The following THAP3 variants were observed in gnomAD, a reference collection of about 807,000 sequenced individuals.
The protein encoded by THAP3 is THAP domain containing 3, also known as THAP domain-containing protein 3.
In THAP3, 12 loss-of-function variants were observed where a neutral mutation model predicts 17.7. That is an observed-to-expected ratio of 0.68 (90% CI 0.43 to 1.10). The LOEUF is 1.10. Among genes scored for constraint, THAP3 ranks in the 50% least tolerant of loss-of-function variants. The pLI, the probability that THAP3 is intolerant of heterozygous loss-of-function variation, is 0.00. For missense variants in THAP3, 289 were observed against 318.0 expected, an observed-to-expected ratio of 0.91 and a Z score of 0.69; for synonymous variants, 133 against 126.9, an observed-to-expected ratio of 1.05 and a Z score of -0.32.
chr1:6,628,902 A>T (rs947711458), intron 3 of THAP3, among the ~76,000 whole-genome samples: 1 of 152,222 alleles, frequency 6.6e-6, no homozygotes, highest in Non-Finnish European at 1.5e-5. Context: ...AAGGCATTTT[A>T]AAAATGAATT....
chr1:6,630,451 CGCCTTTCCTCATAT>C, intron 4 of THAP3, 98 bp downstream of exon 4: 2 of 1,218,092 alleles, frequency 1.6e-6, no homozygotes. Flanking sequence ...GCAGGGCTGT[CGCCTTTCCTCATAT>C]GCCAGTTTGG....
chr1:6,634,716 T>TCC (rs1456914700), downstream of THAP3: 2 of 1,363,280 alleles, frequency 1.5e-6, no homozygotes, highest in East Asian at 9.1e-5. Flanking sequence ...GAAGGAAGGC[T>TCC]CCGGAGCACA....
chr1:6,634,160 C>G (rs79312390), downstream of THAP3: 4 of 1,372,736 alleles, frequency 2.9e-6, no homozygotes, highest in East Asian at 9.2e-5. Flanking sequence ...CACGGAAGAG[C>G]GCCAGCCTCT....
chr1:6,632,898 G>A lies in THAP3; in HGVS notation c.541G>A (p.Ala181Thr), dbSNP rs1275576197. The change falls in exon 6 of 6, where the codon GCC becomes ACC. Residue 181 changes from alanine (A) to threonine (T), a missense_variant. Physicochemically the swap from Ala to Thr is moderately conservative, Grantham distance 58. Transcript: ENST00000054650. ...PNKQPSDHSY[A>T]LLDLDSLKKK... ...CAAGCAGCCATCTGATCACAGCTAT[G>A]CCCTTTTGGACTTAGATTCCCTGAA... The A allele has an allele frequency of 2.5e-6, 4 of 1,612,848 alleles. No homozygotes were observed. The highest frequency in any genetic ancestry group is 3.3e-5 in the Admixed American group (2 of 60,010).
chr1:6,631,137 T>C (rs1299710446), intron 4 of THAP3, among the ~76,000 whole-genome samples: 1 of 151,926 alleles, frequency 6.6e-6, no homozygotes, highest in African/African-American at 2.4e-5. Context: ...CCCAAGTGGC[T>C]GGGACCACAA....
Position 6,632,378 on chromosome 1 carries a change from C to T in THAP3, c.334-13C>T, listed in dbSNP as rs777839020. ...GCAGGGCTGTAGTGCAGACTTCACC[C>T]TGCCGTTCCCAGGTCCTCCCTGAGG... On this transcript the variant is annotated splice_polypyrimidine_tract_variant and intron_variant, in intron 4 of 5. Coordinates refer to ENST00000054650, the MANE Select transcript of THAP3 (RefSeq NM_001195753.2). The T allele has an allele frequency of 2.5e-5, 41 of 1,613,082 alleles. No individual in the cohort carries two copies. Among genetic ancestry groups the T allele is most frequent in the Middle Eastern group, 1.8e-4 (1 of 5,704 alleles).
intron 5 of THAP3, 96 bp from the exon 6 acceptor site, chr1:6,632,700 C>A: frequency 6.6e-7 from 1 of 1,515,074 alleles, no homozygotes; most frequent in Admixed American, 1.8e-5. Flanking sequence ...TCTAGCTGCC[C>A]TGGGGTTGTG....
At chr1:6,627,035 G>T (rs1641486138) in intron 2 of THAP3, among the ~76,000 whole-genome samples, 1 of 152,190 alleles carries the variant, frequency 6.6e-6, no homozygotes, top group South Asian at 2.1e-4. Context: ...GACACTGATC[G>T]ATTGCATAGC....
intron 3 of THAP3, among the ~76,000 whole-genome samples, chr1:6,629,924 A>T (rs912995508): frequency 6.6e-5 from 10 of 152,172 alleles, no homozygotes; most frequent in Non-Finnish European, 1.3e-4. Flanking sequence ...AGTGTGGCCC[A>T]GGGGCTGCAG....
At chr1:6,634,567 A>G (rs760352886), downstream of THAP3, 2 of 1,365,772 alleles carry the variant, frequency 1.5e-6, no homozygotes, top group Non-Finnish European at 2.0e-6. Context: ...GGGGTCAGCA[A>G]GAGCAACTGA....
chr1:6,627,442 G>A (rs1263710529), intron 2 of THAP3, among the ~76,000 whole-genome samples: 1 of 152,220 alleles, frequency 6.6e-6, no homozygotes, highest in Non-Finnish European at 1.5e-5. Flanking sequence ...TCGGCTCACT[G>A]CAGCCTCTGC....
chr1:6,632,820 A>G lies in THAP3; in HGVS notation c.463A>G (p.Thr155Ala), dbSNP rs1379154055. ...GGTCTCGCCACGGAGGCCGCAAGCA[A>G]CAGAGGCTGTTGGCCGGCCGACTGG... ...KQVSPRRPQATEAVGRPTGPA... is the reference protein window; with the variant it reads ...KQVSPRRPQAAEAVGRPTGPA... The change falls in exon 6 of 6, where the codon ACA becomes GCA. Residue 155 changes from threonine (T) to alanine (A), a missense_variant. Thr to Ala is a moderately conservative substitution (Grantham distance 58). Transcript: ENST00000054650. 1 of 1,612,814 alleles carries G rather than the reference A, an allele frequency of 6.2e-7. No individual in the cohort carries two copies. Among genetic ancestry groups the G allele is most frequent in the Non-Finnish European group, 8.5e-7 (1 of 1,179,914 alleles).
chr1:6,630,482 G>C, intron 4 of THAP3, 129 bp downstream of exon 4: 1 of 852,578 alleles, frequency 1.2e-6, no homozygotes, highest in South Asian at 1.5e-5. Flanking sequence ...TTGGATTCCC[G>C]GTTTTTCTGG....
chr1:6,633,219 G>T lies in THAP3; in HGVS notation c.*142G>T, dbSNP rs1641677396. ...TGCTTGGCCGGGGATCGAGACAGTAGCCAAGCTCCCCGGCGAGAGCCCCAA... is the reference window on the plus strand; with the variant it reads ...TGCTTGGCCGGGGATCGAGACAGTATCCAAGCTCCCCGGCGAGAGCCCCAA... On this transcript the variant is annotated 3_prime_UTR_variant, in exon 6 of 6. Transcript: ENST00000054650. 2 of 1,449,246 alleles carry T rather than the reference G, an allele frequency of 1.4e-6. No homozygotes were observed. Among genetic ancestry groups the T allele is most frequent in the South Asian group, 3.0e-5 (2 of 67,404 alleles). 89.8% of individuals were successfully genotyped at this position (1,449,246 alleles called of 1,614,324 possible). A position where few individuals can be genotyped will look rare whatever the true frequency, so the allele number is the denominator to read the frequency against.
chr1:6,628,232 G>A, intron 2 of THAP3: 1 of 439,398 alleles, frequency 2.3e-6, no homozygotes, highest in Non-Finnish European at 4.1e-6. Flanking sequence ...ACAGGGCCCG[G>A]CTCCTGGTAG....
Position 6,632,870 on chromosome 1 carries a change from C to G in THAP3, c.513C>G (p.Pro171=). The G allele has an allele frequency of 6.2e-7, 1 of 1,612,964 alleles. No homozygotes were observed. Among genetic ancestry groups the G allele is most frequent in the Non-Finnish European group, 8.5e-7 (1 of 1,179,906 alleles). Residue 171 remains proline (P), a synonymous_variant, in exon 6 of 6, where the codon CCC becomes CCG. Transcript: ENST00000054650. ...GCCCTGCAGGCCTGAGAAGGACCCC[C>G]AACAAGCAGCCATCTGATCACAGCT... ...PTGPAGLRRT[P]NKQPSDHSYA...
chr1:6,633,137 C>T lies in THAP3; in HGVS notation c.*60C>T. 3 of 1,531,458 alleles carry T rather than the reference C, an allele frequency of 2.0e-6. No individual in the cohort carries two copies. Among genetic ancestry groups the T allele is most frequent in the African/African-American group, 1.4e-5 (1 of 71,928 alleles). 94.9% of individuals were successfully genotyped at this position (1,531,458 alleles called of 1,614,324 possible). On this transcript the variant is annotated 3_prime_UTR_variant, in exon 6 of 6. Transcript: ENST00000054650. Reference sequence around the variant, plus strand: ...CACCAGGGCCGGCAGAGCTTTGGAGCTCTGGCTGTGGACATTTTTGTCTGC... The same window carrying T: ...CACCAGGGCCGGCAGAGCTTTGGAGTTCTGGCTGTGGACATTTTTGTCTGC...
rs1039523343 is a variant in THAP3 at position 6,624,965 on chromosome 1, C to A, written c.-70+11C>A. 4.0e-5 allele frequency: 21 copies of A among 523,676 alleles called. No individual in the cohort carries two copies. Among genetic ancestry groups the A allele is most frequent in the South Asian group, 2.7e-4 (12 of 45,016 alleles). 32.4% of individuals were successfully genotyped at this position (523,676 alleles called of 1,614,324 possible). On this transcript the variant is annotated intron_variant, in intron 1 of 5. Coordinates refer to ENST00000054650, the MANE Select transcript of THAP3 (RefSeq NM_001195753.2). ...GCATTGGCGAATGGGGTAAGACTTG[C>A]ACAGGCCCAAGGCTAGGAGTTGGGG...
rs1044430110 is a variant in THAP3 at position 6,624,958 on chromosome 1, A to G, written c.-70+4A>G. On this transcript the variant is annotated splice_donor_region_variant and intron_variant, in intron 1 of 5. Coordinates refer to ENST00000054650, the MANE Select transcript of THAP3 (RefSeq NM_001195753.2). ...GCGACCAGCATTGGCGAATGGGGTA[A>G]GACTTGCACAGGCCCAAGGCTAGGA... The G allele has an allele frequency of 2.1e-5, 11 of 511,766 alleles. No individual in the cohort carries two copies. Among genetic ancestry groups the G allele is most frequent in the Admixed American group, 1.2e-4 (3 of 25,994 alleles). 31.7% of individuals were successfully genotyped at this position (511,766 alleles called of 1,614,324 possible). A position where few individuals can be genotyped will look rare whatever the true frequency, so the allele number is the denominator to read the frequency against.
Sources: allele counts gnomAD v4.1 joint callset (sites outside exome capture counted in the v4.1 genomes callset), GRCh38; gene constraint gnomAD v4.1.1; transcripts MANE v1.5; gene names NCBI Gene and HGNC (gene_info 2026-07-23, HGNC 2026-07-21).